NUDT3: variants seen among roughly 807,000 people sequenced by gnomAD.
NUDT3 encodes the protein diphosphoinositol polyphosphate phosphohydrolase 1.
A neutral mutation model predicts 23.6 loss-of-function variants in NUDT3; 9 were observed. The observed-to-expected ratio is 0.38, with a 90% confidence interval of 0.23 to 0.66. The LOEUF (loss-of-function observed/expected upper bound fraction) is 0.66, where lower values mean the gene tolerates loss of function less well. NUDT3 is among the 30% of genes least tolerant of loss of function. NUDT3 has a pLI of 0.52. For missense variants in NUDT3, 172 were observed against 218.5 expected (o/e 0.79, Z 1.34); for synonymous variants, 86 against 82.6 (o/e 1.04, Z -0.22).
intron 2 of NUDT3, among the ~76,000 whole-genome samples, chr6:34,309,511 T>C (rs762657351): frequency 8.6e-5 from 13 of 151,580 alleles, no homozygotes; most frequent in Non-Finnish European, 4.4e-5. Context: ...CAAGTAAGCA[T>C]AAGAAAATAA....
intron 2 of NUDT3, among the ~76,000 whole-genome samples, chr6:34,334,266 C>G (rs1404456864): frequency 6.6e-6 from 1 of 152,188 alleles, no homozygotes; most frequent in African/African-American, 2.4e-5. Context: ...TGTAGCTGTT[C>G]TAACAGTGAG....
intron 2 of NUDT3, among the ~76,000 whole-genome samples, chr6:34,322,461 C>T (rs1410872853): frequency 1.3e-5 from 2 of 152,138 alleles, no homozygotes; most frequent in Non-Finnish European, 2.9e-5. Flanking sequence ...GATCTCCTGA[C>T]CTTGTGATCC....
In NUDT3 at chr6:34,341,928, G is replaced by T. The variant is rs747190462; in HGVS notation, c.144C>A (p.Val48=). 1.2e-6 allele frequency: 2 copies of T among 1,613,956 alleles called. No individual in the cohort carries two copies. Among genetic ancestry groups the T allele is most frequent in the African/African-American group, 2.7e-5 (2 of 74,898 alleles). Residue 48 remains valine, a synonymous_variant, in exon 2 of 5, where the codon GTC becomes GTA. Coordinates refer to ENST00000607016, the MANE Select transcript of NUDT3 (RefSeq NM_006703.4). ...SSSRHPDRWI[V]PGGGMEPEEE... Reference sequence around the variant, plus strand: ...CCTCGGGCTCCATGCCTCCTCCAGGGACAATCCATCTGTCTGGATGGCGAC... The same window carrying T: ...CCTCGGGCTCCATGCCTCCTCCAGGTACAATCCATCTGTCTGGATGGCGAC...
chr6:34,300,190 G>A (rs1763578859), intron 2 of NUDT3, among the ~76,000 whole-genome samples: 1 of 152,144 alleles, frequency 6.6e-6, no homozygotes, highest in Non-Finnish European at 1.5e-5. Flanking sequence ...TTAGGTAGAG[G>A]CACTAATGTG....
chr6:34,344,942 C>T (rs561368123), intron 1 of NUDT3, among the ~76,000 whole-genome samples: 20 of 152,048 alleles, frequency 1.3e-4, no homozygotes, highest in East Asian at 7.8e-4. Flanking sequence ...TGAGCCACTG[C>T]GCCAGGCTGA....
intron 1 of NUDT3, among the ~76,000 whole-genome samples, chr6:34,343,211 A>C (rs1007925558): frequency 5.3e-5 from 8 of 152,160 alleles, no homozygotes; most frequent in Admixed American, 3.3e-4. Flanking sequence ...AATACTATGA[A>C]ATCCACAGTA....
Position 34,285,670 on chromosome 6 carries a change from G to C in NUDT3, c.*3083C>G, listed in dbSNP as rs1010358725. 19 of 152,202 alleles carry C rather than the reference G, an allele frequency of 1.2e-4. No homozygotes were observed. Among genetic ancestry groups the C allele is most frequent in the African/African-American group, 4.3e-4 (18 of 41,454 alleles). 9.4% of individuals were successfully genotyped at this position (152,202 alleles called of 1,614,324 possible). A position where few individuals can be genotyped will look rare whatever the true frequency, so the allele number is the denominator to read the frequency against. On this transcript the variant is annotated 3_prime_UTR_variant, in exon 5 of 5. Transcript: ENST00000607016. ...TTCTTTTGATTATTTTCTTTGGGGAGATAAAGGTATTGCAACCATGGGTCT... is the reference window on the plus strand; with the variant it reads ...TTCTTTTGATTATTTTCTTTGGGGACATAAAGGTATTGCAACCATGGGTCT...
chr6:34,340,029 A>G (rs1236106991), intron 2 of NUDT3, among the ~76,000 whole-genome samples: 11 of 152,178 alleles, frequency 7.2e-5, no homozygotes, highest in Non-Finnish European at 8.8e-5. Flanking sequence ...ACACCGACAT[A>G]AAGAGTCTGC....
At chr6:34,322,194 C>T (rs1350832280) in intron 2 of NUDT3, among the ~76,000 whole-genome samples, 1 of 151,474 alleles carries the variant, frequency 6.6e-6, no homozygotes, top group South Asian at 2.1e-4. Flanking sequence ...TCAAACAAAA[C>T]CAGGATGTGA....
At chr6:34,321,806 C>T (rs1763946436) in intron 2 of NUDT3, among the ~76,000 whole-genome samples, 2 of 152,112 alleles carry the variant, frequency 1.3e-5, no homozygotes, top group African/African-American at 4.8e-5. Flanking sequence ...AATATTTATC[C>T]TAAATCTAAT....
chr6:34,337,600 T>C (rs1764228628), intron 2 of NUDT3, among the ~76,000 whole-genome samples: 1 of 152,212 alleles, frequency 6.6e-6, no homozygotes, highest in East Asian at 1.9e-4. Flanking sequence ...GCATTTCCTG[T>C]TGCAAACATC....
intron 1 of NUDT3, among the ~76,000 whole-genome samples, chr6:34,390,831 T>C (rs1765186565): frequency 2.0e-5 from 3 of 152,212 alleles, no homozygotes; most frequent in African/African-American, 4.8e-5. Flanking sequence ...CATAACATGA[T>C]ATGATAATGA....
At chr6:34,343,661 A>G (rs1425019583) in intron 1 of NUDT3, among the ~76,000 whole-genome samples, 1 of 152,140 alleles carries the variant, frequency 6.6e-6, no homozygotes, top group Non-Finnish European at 1.5e-5. Flanking sequence ...CAGGGGTAAA[A>G]TGTCATGATC....
chr6:34,293,300 G>A (rs1763450704), intron 4 of NUDT3, 151 bp downstream of exon 4: 1 of 833,492 alleles, frequency 1.2e-6, no homozygotes, highest in African/African-American at 1.7e-5. Flanking sequence ...GGGCTCAGGT[G>A]ATCCTCCTGT....
At chr6:34,390,369 G>A (rs1765178371) in intron 1 of NUDT3, among the ~76,000 whole-genome samples, 1 of 151,736 alleles carries the variant, frequency 6.6e-6, no homozygotes, top group Admixed American at 6.6e-5. Flanking sequence ...ATGCCGTGAG[G>A]TAGCCTAAAC....
chr6:34,392,301 G>A lies in NUDT3; in HGVS notation c.62C>T (p.Ala21Val). ...CTCGCTGCGGAAACACAGGCATGCG[G>A]CCCGCTTCTTGTAGCCGTCGCCGTC... ...TYDGDGYKKRAACLCFRSESE... is the reference protein window; with the variant it reads ...TYDGDGYKKRVACLCFRSESE... The change falls in exon 1 of 5, where the codon GCC becomes GTC. Residue 21 changes from alanine (A) to valine (V), a missense_variant. By Grantham distance (64) the Ala-to-Val change is moderately conservative (BLOSUM62 0). This residue lies in a region of NUDT3 where 50 missense variants were observed against 46.2 expected (regional missense o/e 1.08). Coordinates refer to ENST00000607016, the MANE Select transcript of NUDT3 (RefSeq NM_006703.4). 6.2e-7 allele frequency: 1 copy of A among 1,606,012 alleles called. No individual in the cohort carries two copies.
At chr6:34,385,108 A>C (rs1765083979) in intron 1 of NUDT3, among the ~76,000 whole-genome samples, 2 of 151,862 alleles carry the variant, frequency 1.3e-5, no homozygotes, top group Non-Finnish European at 2.9e-5. Flanking sequence ...TTATATATAC[A>C]TACTTTATAT....
At chr6:34,388,729 G>A (rs1765149311) in intron 1 of NUDT3, among the ~76,000 whole-genome samples, 1 of 152,202 alleles carries the variant, frequency 6.6e-6, no homozygotes. Context: ...ACACAGCGCT[G>A]CAGCCATAGC....
At chr6:34,340,479 T>A (rs900412255) in intron 2 of NUDT3, among the ~76,000 whole-genome samples, 2 of 152,186 alleles carry the variant, frequency 1.3e-5, no homozygotes, top group African/African-American at 4.8e-5. Flanking sequence ...TTAAAGTTAT[T>A]TTCTCATAGG....
Sources: gnomAD v4.1 joint callset for allele counts (sites outside exome capture counted in the v4.1 genomes callset) on GRCh38, gnomAD v4.1.1 for gene constraint, gnomAD v4.1.1 regional missense constraint, MANE v1.5 for transcripts, NCBI Gene and HGNC (gene_info 2026-07-23, HGNC 2026-07-21) for gene names.